DLGAP4: variants seen among roughly 807,000 people sequenced by gnomAD.
The protein encoded by DLGAP4 is disks large-associated protein 4.
In DLGAP4, 18 loss-of-function variants were observed where a neutral mutation model predicts 86.9. That is an observed-to-expected ratio of 0.21 (90% confidence interval 0.14 to 0.31). DLGAP4 has a LOEUF of 0.31. DLGAP4 is among the 10% of genes least tolerant of loss of function. DLGAP4 has a pLI of 1.00. For missense variants in DLGAP4, 1,085 were observed against 1,362.6 expected, an observed-to-expected ratio of 0.80 and a Z score of 3.21; for synonymous variants, 548 against 574.3, an observed-to-expected ratio of 0.95 and a Z score of 0.65.
chr20:36,491,857 C>T (rs1338441521), intron 7 of DLGAP4, among the ~76,000 whole-genome samples: 1 of 152,120 alleles, frequency 6.6e-6, no homozygotes, highest in Non-Finnish European at 1.5e-5. Context: ...TATTGAGAGC[C>T]TTTGTGCTTG....
At chr20:36,378,070 G>A (rs2031228684) in intron 2 of DLGAP4, among the ~76,000 whole-genome samples, 1 of 152,206 alleles carries the variant, frequency 6.6e-6, no homozygotes, top group African/African-American at 2.4e-5. Flanking sequence ...AGCCCCTGGG[G>A]AAGTTGCTGC....
intron 2 of DLGAP4, among the ~76,000 whole-genome samples, chr20:36,380,658 A>G (rs930096274): frequency 2.4e-5 from 3 of 122,854 alleles, no homozygotes; most frequent in Admixed American, 8.5e-5. Context: ...AGAGAGAGAG[A>G]GAGAGAATCT....
At chr20:36,439,679 C>A in intron 4 of DLGAP4, 75 bp from the exon 5 acceptor site, 2 of 1,311,496 alleles carry the variant, frequency 1.5e-6, no homozygotes, top group Non-Finnish European at 2.1e-6. Flanking sequence ...CTGTGCATCA[C>A]AGATGGTCAA....
At chr20:36,395,554 A>C (rs1457536078) in intron 2 of DLGAP4, among the ~76,000 whole-genome samples, 1 of 152,072 alleles carries the variant, frequency 6.6e-6, no homozygotes. Flanking sequence ...GCTGGAGTGC[A>C]GTGGCGCAAT....
chr20:36,374,396 T>C (rs2031069214), intron 2 of DLGAP4, among the ~76,000 whole-genome samples: 1 of 152,084 alleles, frequency 6.6e-6, no homozygotes, highest in Admixed American at 6.6e-5. Flanking sequence ...GCTGGAAGAA[T>C]GTTGTAGGCA....
intron 4 of DLGAP4, among the ~76,000 whole-genome samples, chr20:36,437,045 T>C (rs1286098506): frequency 1.3e-5 from 2 of 152,054 alleles, no homozygotes; most frequent in Non-Finnish European, 2.9e-5. Context: ...ATTCGGCTGT[T>C]CCCCCGGAGA....
Position 36,321,499 on chromosome 20 carries a change from T to G in DLGAP4, c.-304+14987T>G, listed in dbSNP as rs569345505. 2.0e-3 allele frequency among the ~76,000 whole-genome samples: 309 copies of G among 152,370 alleles called. 1 individual carries two copies. The highest frequency in any genetic ancestry group is 7.1e-3 in the African/African-American group (295 of 41,594). On this transcript the variant is annotated intron_variant, in intron 1 of 12. Coordinates refer to ENST00000339266, the MANE Select transcript of DLGAP4 (RefSeq NM_001365621.2). The stretch of plus-strand genomic sequence containing the variant: ...GCCACTCGCCAGGCTGGCCCCGGCT[T>G]CCACCTCGGATGTGCTCTGCCCAGC...
chr20:36,456,309 GC>G (rs776159712), intron 7 of DLGAP4, among the ~76,000 whole-genome samples: 1 of 152,164 alleles, frequency 6.6e-6, no homozygotes, highest in African/African-American at 2.4e-5. Flanking sequence ...GTTCTCCATT[GC>G]CCCCTGTGCG....
intron 4 of DLGAP4, among the ~76,000 whole-genome samples, chr20:36,438,596 T>G (rs2033354006): frequency 6.6e-6 from 1 of 151,230 alleles, no homozygotes; most frequent in Non-Finnish European, 1.5e-5. Context: ...CTCACTATGT[T>G]GCCCAGAGTG....
At chr20:36,467,154 G>C (rs552413698) in intron 7 of DLGAP4, among the ~76,000 whole-genome samples, 3 of 151,896 alleles carry the variant, frequency 2.0e-5, no homozygotes, top group African/African-American at 7.3e-5. Context: ...TCTCTGCCCT[G>C]AGGAACTTAT....
intron 10 of DLGAP4, among the ~76,000 whole-genome samples, chr20:36,505,744 A>C (rs555027349): frequency 2.0e-5 from 3 of 152,308 alleles, no homozygotes; most frequent in Middle Eastern, 3.4e-3. Context: ...GGGCCACTGC[A>C]CTCCAGCCTG....
chr20:36,327,887 G>C (rs187327433), intron 1 of DLGAP4, among the ~76,000 whole-genome samples: 2 of 143,880 alleles, frequency 1.4e-5, no homozygotes, highest in African/African-American at 5.0e-5. Flanking sequence ...CACCGCGCCC[G>C]GCAAGAATTA....
chr20:36,375,333 C>A (rs543958502), intron 2 of DLGAP4, among the ~76,000 whole-genome samples: 10 of 152,230 alleles, frequency 6.6e-5, no homozygotes, highest in Non-Finnish European at 1.5e-5. Flanking sequence ...GTTTTGAGAG[C>A]AGCATTTTTT....
At chr20:36,395,507 T>A (rs898276824) in intron 2 of DLGAP4, among the ~76,000 whole-genome samples, 4 of 151,966 alleles carry the variant, frequency 2.6e-5, no homozygotes, top group Admixed American at 1.3e-4. Flanking sequence ...TTTTTTTTAT[T>A]ATTATTATTG....
At chr20:36,347,125 G>A (rs1295776710) in intron 1 of DLGAP4, among the ~76,000 whole-genome samples, 7 of 151,976 alleles carry the variant, frequency 4.6e-5, no homozygotes, top group African/African-American at 1.7e-4. Context: ...GAGATGTGGT[G>A]GTGCAGGGCT....
intron 10 of DLGAP4, among the ~76,000 whole-genome samples, chr20:36,506,942 T>C (rs183107391): frequency 6.6e-6 from 1 of 152,354 alleles, no homozygotes; most frequent in East Asian, 1.9e-4. Context: ...GACTGGCGTA[T>C]TTCACTTTGC....
intron 7 of DLGAP4, among the ~76,000 whole-genome samples, chr20:36,470,412 C>T (rs2034608374): frequency 6.6e-6 from 1 of 152,188 alleles, no homozygotes; most frequent in African/African-American, 2.4e-5. Flanking sequence ...AATCTGTGTG[C>T]CTGGGTCCTG....
rs2147881772 is a variant in DLGAP4 at position 36,527,626 on chromosome 20, A to G, written c.*595A>G. 6.6e-6 allele frequency: 1 copy of G among 152,646 alleles called. No homozygotes were observed. The highest frequency in any genetic ancestry group is 2.1e-4 in the South Asian group (1 of 4,814). 9.5% of individuals were successfully genotyped at this position (152,646 alleles called of 1,614,324 possible). A position where few individuals can be genotyped will look rare whatever the true frequency, so the allele number is the denominator to read the frequency against. ...CCCTCCCTCCCCCCGCCAAGTGCTC[A>G]CACACAACCTCACGCGCACACACAC... On this transcript the variant is annotated 3_prime_UTR_variant, in exon 13 of 13. Transcript: ENST00000339266.
At chr20:36,322,981 C>G (rs2065183397) in intron 1 of DLGAP4, among the ~76,000 whole-genome samples, 1 of 151,750 alleles carries the variant, frequency 6.6e-6, no homozygotes, top group Non-Finnish European at 1.5e-5. Context: ...TCGAGACCAG[C>G]CTGGGCAACA....
Sources: gnomAD v4.1 joint callset for allele counts (sites outside exome capture counted in the v4.1 genomes callset) on GRCh38, gnomAD v4.1.1 for gene constraint, MANE v1.5 for transcripts, NCBI Gene and HGNC (gene_info 2026-07-23, HGNC 2026-07-21) for gene names.